QTMAN: variants seen among roughly 807,000 people sequenced by gnomAD.
QTMAN encodes the protein tRNA-queuosine alpha-mannosyltransferase.
chr2:144,313,383 T>C, the QTMAN span, among the ~76,000 whole-genome samples: 3 of 152,180 alleles, frequency 2.0e-5, no homozygotes, highest in Non-Finnish European at 4.4e-5. Context: ...TTCCTAGTCA[T>C]CATTCTATTA....
chr2:144,021,579 G>C, the QTMAN span, among the ~76,000 whole-genome samples: 1 of 152,148 alleles, frequency 6.6e-6, no homozygotes, highest in Non-Finnish European at 1.5e-5. Flanking sequence ...GAAAAAAATG[G>C]AAATGATAGG....
At chr2:143,965,124 C>T in the QTMAN span, among the ~76,000 whole-genome samples, 1 of 151,484 alleles carries the variant, frequency 6.6e-6, no homozygotes, top group Non-Finnish European at 1.5e-5. Context: ...TTGGCCAAAA[C>T]TCAAATATTT....
At chr2:144,082,532 T>A in the QTMAN span, among the ~76,000 whole-genome samples, 2 of 152,172 alleles carry the variant, frequency 1.3e-5, no homozygotes, top group African/African-American at 4.8e-5. Flanking sequence ...CTCTACCATT[T>A]TCTTGGTTTC....
At chr2:144,112,816 A>T in the QTMAN span, among the ~76,000 whole-genome samples, 1 of 152,154 alleles carries the variant, frequency 6.6e-6, no homozygotes, top group Non-Finnish European at 1.5e-5. Flanking sequence ...GACTTAATGG[A>T]GAGTTGAGAC....
the QTMAN span, among the ~76,000 whole-genome samples, chr2:144,198,543 CA>C: frequency 6.6e-6 from 1 of 152,144 alleles, no homozygotes; most frequent in African/African-American, 2.4e-5. Flanking sequence ...TTCCAGCATA[CA>C]GCCAAAACAC....
the QTMAN span, among the ~76,000 whole-genome samples, chr2:144,230,962 G>C: frequency 6.6e-6 from 1 of 152,096 alleles, no homozygotes; most frequent in African/African-American, 2.4e-5. Context: ...ACCTAAAAAA[G>C]AGGAACTCAT....
chr2:144,002,786 CTACT>C, the QTMAN span, among the ~76,000 whole-genome samples: 1 of 151,842 alleles, frequency 6.6e-6, no homozygotes. Flanking sequence ...TAAGGAACTC[CTACT>C]TGTCAAGTTT....
chr2:144,039,105 T>C, the QTMAN span, among the ~76,000 whole-genome samples: 1 of 152,150 alleles, frequency 6.6e-6, no homozygotes, highest in Admixed American at 6.5e-5. Context: ...CAAAAATACT[T>C]CTGCAGGATT....
chr2:144,190,426 T>C, the QTMAN span, among the ~76,000 whole-genome samples: 5 of 152,206 alleles, frequency 3.3e-5, no homozygotes, highest in South Asian at 2.1e-4. Context: ...GCTTTAACTA[T>C]GTGAATAAGA....
the QTMAN span, among the ~76,000 whole-genome samples, chr2:144,163,222 T>G: frequency 8.6e-4 from 131 of 152,126 alleles, 1 homozygote; most frequent in African/African-American, 3.1e-3. Flanking sequence ...TATTACAGAT[T>G]CTGGGTTTAT....
chr2:144,061,385 C>T, the QTMAN span, among the ~76,000 whole-genome samples: 1 of 152,114 alleles, frequency 6.6e-6, no homozygotes, highest in Non-Finnish European at 1.5e-5. Flanking sequence ...ATTGCATTTT[C>T]TTTGAATTGC....
At chr2:144,048,805 C>T in the QTMAN span, among the ~76,000 whole-genome samples, 112 of 146,902 alleles carry the variant, frequency 7.6e-4, 2 homozygotes, top group South Asian at 0.022. Flanking sequence ...TGCTTGTGTG[C>T]GCACACACAT....
At chr2:144,194,529 T>C in the QTMAN span, among the ~76,000 whole-genome samples, 3 of 152,294 alleles carry the variant, frequency 2.0e-5, no homozygotes, top group Non-Finnish European at 2.9e-5. Context: ...TATTTGTAAG[T>C]TGGGATTAGT....
the QTMAN span, among the ~76,000 whole-genome samples, chr2:144,190,909 C>T: frequency 2.6e-5 from 4 of 152,114 alleles, no homozygotes; most frequent in Admixed American, 1.3e-4. Context: ...ACAGCTAGAC[C>T]CCCATTATAA....
chr2:144,216,806 T>C, the QTMAN span, among the ~76,000 whole-genome samples: 1 of 152,186 alleles, frequency 6.6e-6, no homozygotes, highest in Non-Finnish European at 1.5e-5. Flanking sequence ...GTAAATTTCA[T>C]AAATTTTGAA....
the QTMAN span, among the ~76,000 whole-genome samples, chr2:143,997,320 A>G: frequency 3.9e-5 from 6 of 152,146 alleles, no homozygotes; most frequent in African/African-American, 1.4e-4. Context: ...TTAAAAGCCA[A>G]TTATGAAGTG....
chr2:143,967,693 C>T, the QTMAN span, among the ~76,000 whole-genome samples: 1 of 152,038 alleles, frequency 6.6e-6, no homozygotes, highest in Non-Finnish European at 1.5e-5. Flanking sequence ...GCTAGGTAAT[C>T]CTTTTTGTGG....
chr2:144,081,451 G>T, the QTMAN span, among the ~76,000 whole-genome samples: 1 of 152,166 alleles, frequency 6.6e-6, no homozygotes, highest in Non-Finnish European at 1.5e-5. Flanking sequence ...TAGCTGACTT[G>T]AGTACAGCTG....
At chr2:144,046,363 A>T in the QTMAN span, among the ~76,000 whole-genome samples, 2 of 152,206 alleles carry the variant, frequency 1.3e-5, no homozygotes, top group Non-Finnish European at 2.9e-5. Flanking sequence ...TATTGTTTTT[A>T]ATAAAAGGTT....
Sources: allele counts gnomAD v4.1 joint callset (sites outside exome capture counted in the v4.1 genomes callset), GRCh38; gene constraint gnomAD v4.1.1; transcripts MANE v1.5; gene names NCBI Gene and HGNC (gene_info 2026-07-23, HGNC 2026-07-21).